PZP: variants seen among roughly 807,000 people sequenced by gnomAD.
PZP encodes pregnancy zone protein.
In PZP, 150 loss-of-function variants were observed where a neutral mutation model predicts 179.8. The observed-to-expected ratio is 0.83, with a 90% CI of 0.73 to 0.96. The LOEUF is 0.96. Among genes scored for constraint, PZP ranks in the 40% least tolerant of loss-of-function variants. PZP has a pLI of 0.00. For missense variants in PZP, 1,689 were observed against 1,764.0 expected (o/e 0.96, Z 0.76); for synonymous variants, 624 against 652.3 (o/e 0.96, Z 0.66).
In PZP at chr12:9,151,644, G is replaced by C; in HGVS notation, c.4241C>G (p.Thr1414Arg). The change falls in exon 33 of 36, where the codon ACA becomes AGA. Residue 1414 changes from threonine (T) to arginine (R), a missense_variant. Coordinates refer to ENST00000261336, the MANE Select transcript of PZP (RefSeq NM_002864.3). Reference protein sequence around the residue: ...MLERSSSVSRTEVSNNHVLIY... With the variant: ...MLERSSSVSRREVSNNHVLIY... ...GAGGACATGGTTGTTGCTCACTTCT[G>C]TCCGGCTCACAGAGCTAGATCTTTC... 1 of 1,613,928 alleles carries C rather than the reference G, an allele frequency of 6.2e-7. No individual in the cohort carries two copies. Among genetic ancestry groups the C allele is most frequent in the Non-Finnish European group, 8.5e-7 (1 of 1,179,900 alleles).
At chr12:9,176,440 T>C (rs1480487331) in intron 15 of PZP, among the ~76,000 whole-genome samples, 2 of 152,196 alleles carry the variant, frequency 1.3e-5, no homozygotes, top group Admixed American at 6.5e-5. Flanking sequence ...TCTGCACTTG[T>C]ACCCCTGAAG....
intron 23 of PZP, 140 bp downstream of exon 23, chr12:9,160,893 C>G: frequency 1.4e-6 from 1 of 739,420 alleles, no homozygotes; most frequent in Admixed American, 2.3e-5. Context: ...CCAGCCTGGG[C>G]GACAGAGCGA....
chr12:9,143,716 C>G, the PZP span, among the ~76,000 whole-genome samples: 6 of 152,266 alleles, frequency 3.9e-5, no homozygotes, highest in South Asian at 1.2e-3. Flanking sequence ...CTGTCATTAT[C>G]TAATTTGCAC....
At position 9,196,552 on chromosome 12, in the gene PZP, A is replaced by G. The variant is rs1943784588; in HGVS notation, c.982+19T>C. The stretch of plus-strand genomic sequence containing the variant: ...AGTAAACTATTGTTTTATTTCCCAT[A>G]TTCGTTCATTACTCACACCTGTCCC... On this transcript the variant is annotated intron_variant, in intron 9 of 35. Coordinates refer to ENST00000261336, the MANE Select transcript of PZP (RefSeq NM_002864.3). 6.3e-7 allele frequency: 1 copy of G among 1,582,382 alleles called. No homozygotes were observed. The highest frequency in any genetic ancestry group is 8.7e-7 in the Non-Finnish European group (1 of 1,151,364).
chr12:9,181,311 C>T (rs3782676), intron 14 of PZP, among the ~76,000 whole-genome samples, 179 bp from the exon 15 acceptor site: 12,191 of 152,260 alleles, frequency 0.08, 536 homozygotes, highest in African/African-American at 0.12. Context: ...TTGTAAATCA[C>T]TTATTACCAC....
At chr12:9,183,909 A>G (rs1406718518) in intron 13 of PZP, among the ~76,000 whole-genome samples, 3 of 152,202 alleles carry the variant, frequency 2.0e-5, no homozygotes, top group Admixed American at 6.5e-5. Context: ...GTGTTATGCC[A>G]TTCATATTTG....
intron 20 of PZP, 63 bp downstream of exon 20, chr12:9,164,070 A>G (rs930375956): frequency 6.6e-7 from 1 of 1,519,128 alleles, no homozygotes; most frequent in African/African-American, 1.4e-5. Flanking sequence ...ATATGATGAA[A>G]AAAGTACTCA....
At chr12:9,138,241 T>C in the PZP span, among the ~76,000 whole-genome samples, 1 of 152,056 alleles carries the variant, frequency 6.6e-6, no homozygotes, top group Non-Finnish European at 1.5e-5. Flanking sequence ...TTGAATTTTG[T>C]CAAATGCTTT....
At chr12:9,145,920 C>G (rs771258027), downstream of PZP, among the ~76,000 whole-genome samples, 4 of 152,292 alleles carry the variant, frequency 2.6e-5, no homozygotes, top group African/African-American at 9.6e-5. Context: ...TCTTATCAGG[C>G]ATCTTGTCTA....
At chr12:9,161,194 G>T in intron 22 of PZP, 78 bp from the exon 23 acceptor site, 1 of 1,219,086 alleles carries the variant, frequency 8.2e-7, no homozygotes, top group Non-Finnish European at 1.2e-6. Context: ...TGTAGTGAGA[G>T]CTTCAGAGCC....
At chr12:9,156,665 TTA>T (rs1460371277) in intron 28 of PZP, among the ~76,000 whole-genome samples, 1 of 152,232 alleles carries the variant, frequency 6.6e-6, no homozygotes, top group Non-Finnish European at 1.5e-5. Flanking sequence ...ATCTGCAGCA[TTA>T]TGTCTATTAT....
At chr12:9,196,889 T>G in intron 8 of PZP, 123 bp downstream of exon 8, 1 of 844,980 alleles carries the variant, frequency 1.2e-6, no homozygotes, top group Non-Finnish European at 1.9e-6. Flanking sequence ...AGAACAGAAA[T>G]TCGTTTTTTG....
At chr12:9,160,899 AG>A in intron 23 of PZP, 133 bp downstream of exon 23, 2 of 769,922 alleles carry the variant, frequency 2.6e-6, no homozygotes, top group Non-Finnish European at 4.4e-6. Flanking sequence ...TGGGCGACAG[AG>A]CGAGACTCCA....
chr12:9,181,868 G>T, intron 14 of PZP, 107 bp downstream of exon 14: 3 of 1,249,762 alleles, frequency 2.4e-6, no homozygotes, highest in East Asian at 2.5e-5. Context: ...GGGAACTGTT[G>T]GGCAACTCAT....
intron 15 of PZP, among the ~76,000 whole-genome samples, chr12:9,171,543 C>T (rs79048277): frequency 0.077 from 11,655 of 152,132 alleles, 553 homozygotes; most frequent in African/African-American, 0.14. Context: ...AAGTGGATAA[C>T]AATAAACTTT....
At chr12:9,199,597 C>T (rs1268424076) in intron 7 of PZP, among the ~76,000 whole-genome samples, 2 of 152,012 alleles carry the variant, frequency 1.3e-5, no homozygotes, top group African/African-American at 2.4e-5. Context: ...AACAAACAGG[C>T]AGATTCTGCA....
chr12:9,199,939 A>G (rs1944055603), intron 7 of PZP, among the ~76,000 whole-genome samples: 1 of 152,208 alleles, frequency 6.6e-6, no homozygotes, highest in Non-Finnish European at 1.5e-5. Flanking sequence ...ACCCAGCTTT[A>G]TGAGACCATT....
At chr12:9,162,710 T>C (rs1443552680) in intron 21 of PZP, 62 bp from the exon 22 acceptor site, 1 of 1,290,722 alleles carries the variant, frequency 7.7e-7, no homozygotes, top group African/African-American at 1.5e-5. Context: ...GAGAACCACA[T>C]GGATTCCTTT....
chr12:9,154,871 C>T, intron 28 of PZP, 32 bp from the exon 29 acceptor site: 1 of 1,567,194 alleles, frequency 6.4e-7, no homozygotes. Flanking sequence ...ATAATTGTAA[C>T]TCATCAATAA....
Sources: gnomAD v4.1 joint callset for allele counts (sites outside exome capture counted in the v4.1 genomes callset) on GRCh38, gnomAD v4.1.1 for gene constraint, MANE v1.5 for transcripts, NCBI Gene and HGNC (gene_info 2026-07-23, HGNC 2026-07-21) for gene names.